CNOT10: variants seen among roughly 807,000 people sequenced by gnomAD.
CNOT10 encodes the protein CCR4-NOT transcription complex subunit 10, also known as CCR4-NOT transcription complex, subunit 10.
In CNOT10, 30 loss-of-function variants were observed where a neutral mutation model predicts 94.6. The observed-to-expected ratio is 0.32, with a 90% CI of 0.24 to 0.43. The LOEUF is 0.43. Among genes scored for constraint, CNOT10 ranks in the 20% least tolerant of loss-of-function variants. The pLI, the probability that CNOT10 is intolerant of heterozygous loss-of-function variation, is 1.00. For missense variants in CNOT10, 759 were observed against 877.2 expected (o/e 0.87, Z 1.70); for synonymous variants, 289 against 301.6 (o/e 0.96, Z 0.43).
intron 17 of CNOT10, chr3:32,769,251 A>G (rs796842728): frequency 7.2e-5 from 11 of 152,512 alleles, no homozygotes; most frequent in African/African-American, 2.4e-4. Flanking sequence ...CTGTAGCTCA[A>G]AGAGGCCCAG....
intron 14 of CNOT10, among the ~76,000 whole-genome samples, chr3:32,760,207 G>T (rs1201547242): frequency 6.6e-6 from 1 of 151,620 alleles, no homozygotes; most frequent in African/African-American, 2.4e-5. Context: ...ACAAGAATTT[G>T]AAAAATCTTT....
intron 13 of CNOT10, chr3:32,753,556 G>A: frequency 6.3e-7 from 1 of 1,585,848 alleles, no homozygotes; most frequent in South Asian, 1.1e-5. Flanking sequence ...AAAGCCAGAG[G>A]CTGTGAGATG....
rs1295913289 is a variant in CNOT10, at chr3:32,688,941, C to A, written c.22+3459C>A. Among the ~76,000 whole-genome samples, 5 of 152,138 alleles carry A rather than the reference C, an allele frequency of 3.3e-5. No homozygotes were observed. The East Asian group carries it at 9.7e-4, about 29-fold the overall frequency. ...AAATAAAAGGCCGGACGTGGTGGCT[C>A]ACGCCTGTAATCCCAGCACTTTGGG... On this transcript the variant is annotated intron_variant, in intron 1 of 18. Transcript: ENST00000328834.
chr3:32,732,992 C>T (rs1357969482), intron 10 of CNOT10, among the ~76,000 whole-genome samples: 1 of 152,118 alleles, frequency 6.6e-6, no homozygotes, highest in Non-Finnish European at 1.5e-5. Flanking sequence ...GTAATTAATA[C>T]TTTGAATTAA....
intron 13 of CNOT10, among the ~76,000 whole-genome samples, chr3:32,752,036 C>A (rs1699987053): frequency 6.6e-6 from 1 of 152,138 alleles, no homozygotes; most frequent in South Asian, 2.1e-4. Context: ...TCACTGTAAT[C>A]CCAGCACTTC....
intron 13 of CNOT10, among the ~76,000 whole-genome samples, chr3:32,748,159 T>C (rs565302971): frequency 1.3e-5 from 2 of 152,286 alleles, no homozygotes; most frequent in East Asian, 3.9e-4. Flanking sequence ...CAGTTGGCTA[T>C]GGCTCTAATT....
At chr3:32,754,878 T>C (rs1257362761) in intron 13 of CNOT10, among the ~76,000 whole-genome samples, 1 of 150,366 alleles carries the variant, frequency 6.7e-6, no homozygotes, top group East Asian at 2.0e-4. Context: ...GGGGTAGCCC[T>C]GTTCTCCAAG....
intron 13 of CNOT10, among the ~76,000 whole-genome samples, chr3:32,750,111 T>G (rs1364442877): frequency 6.6e-6 from 1 of 151,970 alleles, no homozygotes; most frequent in African/African-American, 2.4e-5. Context: ...CTTGGGAGAC[T>G]GAGGTGGGAG....
intron 7 of CNOT10, among the ~76,000 whole-genome samples, chr3:32,719,031 C>A (rs1698253202): frequency 6.6e-6 from 1 of 151,816 alleles, no homozygotes. Flanking sequence ...CAGGCGGATC[C>A]CAAAGTCAGG....
chr3:32,761,963 G>C (rs916618771), intron 14 of CNOT10, among the ~76,000 whole-genome samples: 3 of 150,366 alleles, frequency 2.0e-5, no homozygotes, highest in Admixed American at 2.0e-4. Context: ...GTAGAGATGG[G>C]GTTTCTCCAT....
chr3:32,750,047 T>C (rs1361748119), intron 13 of CNOT10, among the ~76,000 whole-genome samples: 2 of 152,048 alleles, frequency 1.3e-5, no homozygotes, highest in East Asian at 1.9e-4. Flanking sequence ...TGAGACCTTG[T>C]CTCTACAAAA....
chr3:32,707,422 G>A (rs76206415), intron 3 of CNOT10, among the ~76,000 whole-genome samples: 5,976 of 152,166 alleles, frequency 0.039, 186 homozygotes, highest in African/African-American at 0.079. Flanking sequence ...AACGAAACCT[G>A]AAAATATACT....
chr3:32,729,731 A>G (rs1035441095), intron 10 of CNOT10, among the ~76,000 whole-genome samples: 5 of 146,232 alleles, frequency 3.4e-5, no homozygotes, highest in Admixed American at 2.7e-4. Flanking sequence ...TTCTTAACTG[A>G]TAAACAGTTC....
intron 1 of CNOT10, among the ~76,000 whole-genome samples, chr3:32,685,885 A>G (rs1419188914): frequency 1.3e-5 from 2 of 152,252 alleles, no homozygotes; most frequent in South Asian, 2.1e-4. Context: ...TGTTTTGACC[A>G]CATGTGGCTT....
At chr3:32,760,702 G>A (rs563638271) in intron 14 of CNOT10, among the ~76,000 whole-genome samples, 1 of 152,114 alleles carries the variant, frequency 6.6e-6, no homozygotes, top group Non-Finnish European at 1.5e-5. Flanking sequence ...CAAAAGCCAC[G>A]AGTATTCTGC....
chr3:32,711,264 C>G (rs1014988107), intron 4 of CNOT10, among the ~76,000 whole-genome samples: 1 of 152,112 alleles, frequency 6.6e-6, no homozygotes, highest in Non-Finnish European at 1.5e-5. Context: ...ACTTAAATCC[C>G]TTATATAAAA....
At chr3:32,758,803 A>G (rs1283591533) in intron 13 of CNOT10, among the ~76,000 whole-genome samples, 1 of 152,222 alleles carries the variant, frequency 6.6e-6, no homozygotes, top group East Asian at 1.9e-4. Flanking sequence ...TTTCCAATCC[A>G]ACTTAGCGAA....
At chr3:32,771,668 ATATAGT>A (rs1310932940) in intron 18 of CNOT10, among the ~76,000 whole-genome samples, 1 of 152,148 alleles carries the variant, frequency 6.6e-6, no homozygotes, top group Non-Finnish European at 1.5e-5. Flanking sequence ...AAATTGATAG[ATATAGT>A]TAGGGAGTTT....
chr3:32,724,285 AC>A (rs1214964462), intron 8 of CNOT10, among the ~76,000 whole-genome samples: 1 of 133,924 alleles, frequency 7.5e-6, no homozygotes, highest in Non-Finnish European at 1.5e-5. Context: ...TCATTCTGTC[AC>A]CCAGGCTGGA....
Sources: allele counts gnomAD v4.1 joint callset (sites outside exome capture counted in the v4.1 genomes callset), GRCh38; gene constraint gnomAD v4.1.1; transcripts MANE v1.5; gene names NCBI Gene and HGNC (gene_info 2026-07-23, HGNC 2026-07-21).